Variants in COL5A1 observed in about 807,000 individuals in gnomAD.
The protein encoded by COL5A1 is collagen type V alpha 1 chain.
COL5A1 carries 16 observed loss-of-function variants against 263.7 expected under a neutral mutation model. The observed-to-expected ratio is 0.06, with a 90% CI of 0.04 to 0.09. The LOEUF is 0.09. COL5A1 is among the 10% of genes least tolerant of loss of function. The pLI, the probability that COL5A1 is intolerant of heterozygous loss-of-function variation, is 1.00. For missense variants in COL5A1, 2,036 were observed against 2,540.5 expected (o/e 0.80, Z 4.27); for synonymous variants, 1,012 against 1,004.5 (o/e 1.01, Z -0.14).
At position 134,844,839 on chromosome 9, in the gene COL5A1, G is replaced by T. The variant is rs996679670; in HGVS notation, c.*2536G>T. The T allele has an allele frequency of 6.6e-6, 1 of 152,232 alleles. No homozygotes were observed. Among genetic ancestry groups the T allele is most frequent in the African/African-American group, 2.4e-5 (1 of 41,456 alleles). The allele number at this position is 152,232 out of a possible 1,614,324, so 9.4% of individuals were successfully genotyped here. On this transcript the variant is annotated 3_prime_UTR_variant, in exon 66 of 66. Coordinates refer to ENST00000371817, the MANE Select transcript of COL5A1 (RefSeq NM_000093.5). The stretch of plus-strand genomic sequence containing the variant: ...ATAAATCGAGTTGGGTGTTTCCACC[G>T]TAAACAGATGTGAGTGACTCTCTTC...
rs1167011895 is a variant in COL5A1 at position 134,815,942 on chromosome 9, A to G, written c.4076A>G (p.Asp1359Gly). 2.5e-6 allele frequency: 4 copies of G among 1,614,126 alleles called. No homozygotes were observed. The Admixed American group carries it at 5.0e-5, about 20-fold the overall frequency. The change falls in exon 52 of 66, where the codon GAT becomes GGT. Residue 1359 changes from aspartate (D) to glycine (G), a missense_variant. Coordinates refer to ENST00000371817, the MANE Select transcript of COL5A1 (RefSeq NM_000093.5). ...PPGEPGPAGQ[D>G]GPPGDKGDDG... is the part of the protein sequence containing the mutation. The stretch of plus-strand genomic sequence containing the variant: ...TCGCTTTTGCCTCCATAGGGTCAAG[A>G]TGGTCCCCCTGGTGACAAAGGAGAT...
chr9:134,681,597 T>A lies in COL5A1; in HGVS notation c.110-9315T>A, dbSNP rs1832859490. Among the ~76,000 whole-genome samples, 1 of 152,162 alleles carries A rather than the reference T, an allele frequency of 6.6e-6. No individual in the cohort carries two copies. The highest frequency in any genetic ancestry group is 1.5e-5 in the Non-Finnish European group (1 of 68,020). On this transcript the variant is annotated intron_variant, in intron 1 of 65. Coordinates refer to ENST00000371817, the MANE Select transcript of COL5A1 (RefSeq NM_000093.5). The surrounding 1 kb of genome is among the most constrained non-coding windows in gnomAD (Gnocchi z 4.3). Reference sequence around the variant, plus strand: ...TCCAGAGTGGAATAGCGCTTGGGACTGGGGTGGACTGGGCACTGAGGGTGA... The same window carrying A: ...TCCAGAGTGGAATAGCGCTTGGGACAGGGGTGGACTGGGCACTGAGGGTGA...
intron 4 of COL5A1, among the ~76,000 whole-genome samples, chr9:134,717,346 A>G (rs1247747815): frequency 6.6e-6 from 1 of 152,244 alleles, no homozygotes; most frequent in Non-Finnish European, 1.5e-5. Flanking sequence ...TCCTGTTTGC[A>G]GAGCCCAGGG....
intron 65 of COL5A1, among the ~76,000 whole-genome samples, chr9:134,836,962 G>GAA (rs1261318454): frequency 6.6e-6 from 1 of 152,188 alleles, no homozygotes; most frequent in African/African-American, 2.4e-5. Flanking sequence ...CAGATCCCTG[G>GAA]AAAGAGGCAT....
chr9:134,818,218 C>T lies in COL5A1; in HGVS notation c.4230+387C>T, dbSNP rs1054431966. On this transcript the variant is annotated intron_variant, in intron 54 of 65. Coordinates refer to ENST00000371817, the MANE Select transcript of COL5A1 (RefSeq NM_000093.5). The surrounding 1 kb of genome is among the most constrained non-coding windows in gnomAD (Gnocchi z 6.0). ...GATGGTGACCGTGTCTGCTGCGGGG[C>T]CCGTGCAGAAGATGGGACGCCGTCA... is the stretch of plus-strand genomic sequence containing the variant. 1.3e-5 allele frequency among the ~76,000 whole-genome samples: 2 copies of T among 152,216 alleles called. No homozygotes were observed. Among genetic ancestry groups the T allele is most frequent in the African/African-American group, 4.8e-5 (2 of 41,454 alleles).
chr9:134,738,351 A>G, intron 9 of COL5A1, 123 bp from the exon 10 acceptor site: 2 of 1,080,856 alleles, frequency 1.9e-6, no homozygotes, highest in Non-Finnish European at 2.8e-6. Flanking sequence ...GTGACTCCCC[A>G]GGACAGCAGG....
rs969162843 is a variant in COL5A1 at position 134,844,641 on chromosome 9, T to C, written c.*2338T>C. 2.0e-5 allele frequency: 3 copies of C among 152,162 alleles called. No homozygotes were observed. Among genetic ancestry groups the C allele is most frequent in the African/African-American group, 7.2e-5 (3 of 41,438 alleles). 9.4% of individuals were successfully genotyped at this position (152,162 alleles called of 1,614,324 possible). A position where few individuals can be genotyped will look rare whatever the true frequency, so the allele number is the denominator to read the frequency against. On this transcript the variant is annotated 3_prime_UTR_variant, in exon 66 of 66. Transcript: ENST00000371817. ...AAAATGGTAAGCAAAAAACCCAAGA[T>C]AAAGTTTCGAGGACATCAGGCCTTT... is the stretch of plus-strand genomic sequence containing the variant.
chr9:134,803,060 G>A (rs1838170819), intron 39 of COL5A1, 65 bp downstream of exon 39: 1 of 1,352,530 alleles, frequency 7.4e-7, no homozygotes, highest in African/African-American at 1.4e-5. Context: ...GGGACTTTGT[G>A]TTTTTCTTGC....
chr9:134,775,644 G>C (rs946270700), intron 27 of COL5A1, among the ~76,000 whole-genome samples: 2 of 152,144 alleles, frequency 1.3e-5, no homozygotes, highest in South Asian at 4.1e-4. Flanking sequence ...ACCCCTAGGC[G>C]CACGCGGACC....
rs1564417691 is a variant in COL5A1, at chr9:134,731,540, G to T, written c.1209G>T (p.Glu403Asp). 1.2e-6 allele frequency: 2 copies of T among 1,614,242 alleles called. No homozygotes were observed. Among genetic ancestry groups the T allele is most frequent in the Non-Finnish European group, 1.7e-6 (2 of 1,180,026 alleles). ...PGEGADDLEG[E>D]FTEETIRNLD... ...AAGGTGCGGATGACTTGGAGGGGGAGTTCACTGAGGAAACGATCCGGAACC... is the reference window on the plus strand; with the variant it reads ...AAGGTGCGGATGACTTGGAGGGGGATTTCACTGAGGAAACGATCCGGAACC... Residue 403 changes from glutamate to aspartate, a missense_variant, in exon 8 of 66, where the codon GAG (glutamate) becomes GAT (aspartate). This residue lies in a region of COL5A1 where 600 missense variants were observed against 634.5 expected (regional missense o/e 0.95). Transcript: ENST00000371817.
rs538649508 is a variant in COL5A1 at position 134,742,786 on chromosome 9, T to C, written c.1494+3978T>C. Among the ~76,000 whole-genome samples, 1 of 152,336 alleles carries C rather than the reference T, an allele frequency of 6.6e-6. No individual in the cohort carries two copies. The highest frequency in any genetic ancestry group is 1.9e-4 in the East Asian group (1 of 5,178). On this transcript the variant is annotated intron_variant, in intron 11 of 65. Coordinates refer to ENST00000371817, the MANE Select transcript of COL5A1 (RefSeq NM_000093.5). The surrounding 1 kb of genome is among the most constrained non-coding windows in gnomAD (Gnocchi z 4.6). ...GGTCTGAAATCATGAGGCTGTGCAT[T>C]TGTGAAGGTTCCCTATGATGCCATG...
Position 134,699,950 on chromosome 9 carries a change from A to G in COL5A1, c.319A>G (p.Lys107Glu). ...PEDFSILTTV[K>E]AKKGSQAFLV... is the part of the protein sequence containing the mutation. ...GGACTTCTCCATCCTAACAACTGTG[A>G]AAGCCAAGAAAGGCAGCCAGGCCTT... Residue 107 changes from lysine (K) to glutamate (E), a missense_variant, in exon 3 of 66, where the codon AAA becomes GAA. This residue lies in a region of COL5A1 where 600 missense variants were observed against 634.5 expected (regional missense o/e 0.95). Coordinates refer to ENST00000371817, the MANE Select transcript of COL5A1 (RefSeq NM_000093.5). The G allele has an allele frequency of 6.2e-7, 1 of 1,613,988 alleles. No homozygotes were observed. The highest frequency in any genetic ancestry group is 8.5e-7 in the Non-Finnish European group (1 of 1,180,040).
intron 57 of COL5A1, among the ~76,000 whole-genome samples, chr9:134,819,766 C>T (rs1437828996): frequency 5.9e-5 from 9 of 152,194 alleles, no homozygotes; most frequent in East Asian, 5.8e-4. Flanking sequence ...GTTTTAGTTC[C>T]GTATAGGAGC....
Position 134,821,078 on chromosome 9 carries a change from G to A in COL5A1, c.4554+855G>A, listed in dbSNP as rs138428322. Among the ~76,000 whole-genome samples the A allele has an allele frequency of 2.6e-3, 393 of 152,232 alleles. 2 individuals carry two copies. The highest frequency in any genetic ancestry group is 9.0e-3 in the African/African-American group (372 of 41,546). ...GCTCATTGCAAACCCTACCTCACTG[G>A]CCAGTGTCCTCCATGCCATTGACTG... On this transcript the variant is annotated intron_variant, in intron 58 of 65. Coordinates refer to ENST00000371817, the MANE Select transcript of COL5A1 (RefSeq NM_000093.5). This position sits in a 1 kb window ranked among gnomAD's most constrained non-coding sequence, Gnocchi z 4.2.
chr9:134,829,184 A>G (rs1473127094), intron 63 of COL5A1, among the ~76,000 whole-genome samples: 1 of 152,234 alleles, frequency 6.6e-6, no homozygotes, highest in Non-Finnish European at 1.5e-5. Context: ...ACTGAGCACC[A>G]GGCGCTGGCC....
chr9:134,762,228 G>A (rs1430860619), intron 19 of COL5A1, among the ~76,000 whole-genome samples: 1 of 152,224 alleles, frequency 6.6e-6, no homozygotes, highest in African/African-American at 2.4e-5. Context: ...GATGGAGCTC[G>A]GGGCCAGCTC....
Position 134,842,710 on chromosome 9 carries a change from A to G in COL5A1, c.*407A>G, listed in dbSNP as rs939094413. The G allele has an allele frequency of 7.5e-6, 2 of 267,970 alleles. No homozygotes were observed. Among genetic ancestry groups the G allele is most frequent in the Non-Finnish European group, 1.4e-5 (2 of 137,972 alleles). 16.6% of individuals were successfully genotyped at this position (267,970 alleles called of 1,614,324 possible). A position where few individuals can be genotyped will look rare whatever the true frequency, so the allele number is the denominator to read the frequency against. ...TTCTAAATTCAACTTGAAGATGTGT[A>G]TTTCCCCTGACCTTCAAAAAATGTT... On this transcript the variant is annotated 3_prime_UTR_variant, in exon 66 of 66. Coordinates refer to ENST00000371817, the MANE Select transcript of COL5A1 (RefSeq NM_000093.5). This position sits in a 1 kb window ranked among gnomAD's most constrained non-coding sequence, Gnocchi z 5.8.
rs1009093465 is a variant in COL5A1, at chr9:134,651,917, C to A, written c.109+9621C>A. On this transcript the variant is annotated intron_variant, in intron 1 of 65. Coordinates refer to ENST00000371817, the MANE Select transcript of COL5A1 (RefSeq NM_000093.5). ...CTGAAATCCTCTTCCTGTGCTATTTCTCTGCTCTTCCCCTGGGGAAAGGAG... is the reference window on the plus strand; with the variant it reads ...CTGAAATCCTCTTCCTGTGCTATTTATCTGCTCTTCCCCTGGGGAAAGGAG... 2.6e-5 allele frequency among the ~76,000 whole-genome samples: 4 copies of A among 152,290 alleles called. No individual in the cohort carries two copies. In the South Asian group the frequency reaches 8.3e-4, roughly 32 times the overall value.
rs535517780 is a variant in COL5A1 at position 134,811,468 on chromosome 9, C to T, written c.3583-24C>T. On this transcript the variant is annotated intron_variant, in intron 45 of 65. Coordinates refer to ENST00000371817, the MANE Select transcript of COL5A1 (RefSeq NM_000093.5). ...CTGCTGGCATTGCCAGCATCCTCACCCATGGCCGGTTATTTCCCTGCAGGG... is the reference window on the plus strand; with the variant it reads ...CTGCTGGCATTGCCAGCATCCTCACTCATGGCCGGTTATTTCCCTGCAGGG... 1.1e-5 allele frequency: 17 copies of T among 1,613,688 alleles called. No homozygotes were observed. The South Asian group carries it at 1.9e-4, about 18-fold the overall frequency.
Sources: allele counts gnomAD v4.1 joint callset (sites outside exome capture counted in the v4.1 genomes callset), GRCh38; gene constraint gnomAD v4.1.1; regional missense constraint gnomAD v4.1.1; non-coding constraint Gnocchi (gnomAD v3.1); transcripts MANE v1.5; gene names NCBI Gene and HGNC (gene_info 2026-07-23, HGNC 2026-07-21).